The following DACH2 variants were observed in gnomAD, a reference collection of about 807,000 sequenced individuals.
DACH2 encodes the protein dachshund homolog 2.
A neutral mutation model predicts 35.8 loss-of-function variants in DACH2; 17 were observed. That is an observed-to-expected ratio of 0.48 (90% confidence interval 0.33 to 0.71). The LOEUF (loss-of-function observed/expected upper bound fraction) is 0.71, where lower values mean the gene tolerates loss of function less well. DACH2 is among the 30% of genes least tolerant of loss of function. The pLI is 0.02. For synonymous variants in DACH2, 195 were observed against 177.3 expected, an observed-to-expected ratio of 1.10 and a Z score of -0.79; for missense variants, 469 against 472.7, an observed-to-expected ratio of 0.99 and a Z score of 0.07.
intron 4 of DACH2, among the ~76,000 whole-genome samples, chrX:86,694,061 G>C (rs1425239418): frequency 9.0e-6 from 1 of 111,704 alleles, no homozygotes; most frequent in East Asian, 2.8e-4. Flanking sequence ...CCCACACACA[G>C]TGTCAGAGTT....
chrX:86,219,306 A>G (rs1250401402), intron 1 of DACH2, among the ~76,000 whole-genome samples: 2 of 111,435 alleles, frequency 1.8e-5, no homozygotes, highest in African/African-American at 6.5e-5. Flanking sequence ...TGACTAAACC[A>G]CTTTTTAAAA....
At chrX:86,175,073 T>A (rs1019943982) in intron 1 of DACH2, among the ~76,000 whole-genome samples, 1 of 111,300 alleles carries the variant, frequency 9.0e-6, no homozygotes, top group Admixed American at 9.6e-5. Context: ...AGATATATGC[T>A]TAGGAGAGGA....
At chrX:86,671,255 G>A (rs1220311283) in intron 4 of DACH2, among the ~76,000 whole-genome samples, 3 of 111,999 alleles carry the variant, frequency 2.7e-5, no homozygotes, top group Non-Finnish European at 5.6e-5. Context: ...TTCCACATTA[G>A]GTTGTATGAT....
intron 7 of DACH2, among the ~76,000 whole-genome samples, chrX:86,757,392 A>C (rs986028616): frequency 9.0e-6 from 1 of 111,679 alleles, no homozygotes; most frequent in African/African-American, 3.3e-5. Flanking sequence ...TTGTAGAATG[A>C]GTTAGGGAGA....
At chrX:86,723,789 A>G (rs750810417) in intron 6 of DACH2, among the ~76,000 whole-genome samples, 22 of 111,836 alleles carry the variant, frequency 2.0e-4, no homozygotes, top group African/African-American at 7.1e-4. Context: ...AGAATATTCT[A>G]TAGATGGTTC....
In DACH2 at chrX:86,161,793, G is replaced by A. The variant is rs561064724; in HGVS notation, c.488+12685G>A. Among the ~76,000 whole-genome samples the A allele has an allele frequency of 6.9e-4, 77 of 111,803 alleles. 2 individuals are homozygous for A. The South Asian group carries it at 0.028, about 40-fold the overall frequency. ...ATTCTTAAATTTGCAGTTCTTTTGC[G>A]TTGTTCCTTGTCATGCTAGAGGACT... On this transcript the variant is annotated intron_variant, in intron 1 of 11. Coordinates refer to ENST00000373125, the MANE Select transcript of DACH2 (RefSeq NM_053281.3).
intron 2 of DACH2, among the ~76,000 whole-genome samples, chrX:86,474,459 C>T (rs1289573019): frequency 1.8e-5 from 2 of 111,268 alleles, no homozygotes; most frequent in African/African-American, 3.3e-5. Flanking sequence ...AAGAGTTTCC[C>T]CAATGTTTTC....
chrX:86,424,454 G>T (rs939234413), intron 2 of DACH2, among the ~76,000 whole-genome samples: 1 of 110,702 alleles, frequency 9.0e-6, no homozygotes, highest in Admixed American at 9.6e-5. Flanking sequence ...TTGTAAATGA[G>T]ATTACTTTTT....
At chrX:86,756,525 A>T in intron 7 of DACH2, among the ~76,000 whole-genome samples, 4 of 95,056 alleles carry the variant, frequency 4.2e-5, no homozygotes, top group East Asian at 3.3e-4. Flanking sequence ...TGCCTTGTTG[A>T]TTTCTTTCTC....
At chrX:86,721,594 C>T (rs774552648) in intron 6 of DACH2, among the ~76,000 whole-genome samples, 6 of 111,811 alleles carry the variant, frequency 5.4e-5, no homozygotes, top group Non-Finnish European at 9.4e-5. Flanking sequence ...CTGTCTTCTT[C>T]TAAGCCCTCC....
At chrX:86,630,594 G>C (rs1358882951) in intron 3 of DACH2, among the ~76,000 whole-genome samples, 4 of 111,023 alleles carry the variant, frequency 3.6e-5, no homozygotes, top group Non-Finnish European at 7.5e-5. Context: ...ATGAAAAGTA[G>C]TTTGGAAAAA....
intron 2 of DACH2, among the ~76,000 whole-genome samples, chrX:86,503,859 T>A (rs2038285647): frequency 9.0e-6 from 1 of 111,381 alleles, no homozygotes; most frequent in African/African-American, 3.3e-5. Context: ...AGCTATTGGA[T>A]CTTGGTAGGT....
intron 6 of DACH2, among the ~76,000 whole-genome samples, chrX:86,731,327 A>T (rs774203480): frequency 9.0e-6 from 1 of 111,704 alleles, no homozygotes; most frequent in African/African-American, 3.2e-5. Context: ...TCACAAAATT[A>T]ATGAATATTT....
intron 2 of DACH2, among the ~76,000 whole-genome samples, chrX:86,438,658 C>T (rs1486477886): frequency 8.9e-6 from 1 of 112,347 alleles, no homozygotes; most frequent in Non-Finnish European, 1.9e-5. Flanking sequence ...TTGCAATGAA[C>T]ATAGACATGC....
At chrX:86,591,658 C>T (rs1198435151) in intron 3 of DACH2, among the ~76,000 whole-genome samples, 9 of 108,781 alleles carry the variant, frequency 8.3e-5, no homozygotes, top group Non-Finnish European at 1.7e-4. Context: ...CTGCCTCAGC[C>T]TCCCGAGTAG....
chrX:86,685,834 C>G (rs966999821), intron 4 of DACH2, among the ~76,000 whole-genome samples: 1 of 111,048 alleles, frequency 9.0e-6, no homozygotes, highest in Middle Eastern at 4.6e-3. Flanking sequence ...AGCACGAAGC[C>G]ATAAGGGTTC....
chrX:86,297,319 A>G (rs2034485776), intron 1 of DACH2, among the ~76,000 whole-genome samples: 1 of 111,031 alleles, frequency 9.0e-6, no homozygotes, highest in African/African-American at 3.3e-5. Context: ...CTCCATGACT[A>G]CACAGTGATA....
chrX:86,500,359 A>T (rs1392751304), intron 2 of DACH2, among the ~76,000 whole-genome samples: 1 of 111,953 alleles, frequency 8.9e-6, no homozygotes, highest in Non-Finnish European at 1.9e-5. Flanking sequence ...TAATTCATAC[A>T]TAGCAAGCTT....
At chrX:86,255,783 T>G (rs1187630344) in intron 1 of DACH2, among the ~76,000 whole-genome samples, 1 of 112,184 alleles carries the variant, frequency 8.9e-6, no homozygotes, top group Non-Finnish European at 1.9e-5. Flanking sequence ...TTTATTGCAT[T>G]AAGATGATAT....
Sources: gnomAD v4.1 joint callset for allele counts (sites outside exome capture counted in the v4.1 genomes callset) on GRCh38, gnomAD v4.1.1 for gene constraint, MANE v1.5 for transcripts, NCBI Gene and HGNC (gene_info 2026-07-23, HGNC 2026-07-21) for gene names.